The following POU6F2 variants were observed in gnomAD, a reference collection of about 807,000 sequenced individuals.
POU6F2 encodes POU domain, class 6, transcription factor 2.
In POU6F2, 31 loss-of-function variants were observed where a neutral mutation model predicts 71.3. The observed-to-expected ratio is 0.43, with a 90% confidence interval of 0.33 to 0.59. The LOEUF (loss-of-function observed/expected upper bound fraction) is 0.59, where lower values mean the gene tolerates loss of function less well. POU6F2 is among the 20% of genes least tolerant of loss of function. POU6F2 has a pLI of 0.04. For missense variants in POU6F2, 783 were observed against 856.8 expected, an observed-to-expected ratio of 0.91 and a Z score of 1.07; for synonymous variants, 347 against 355.7, an observed-to-expected ratio of 0.98 and a Z score of 0.27.
intron 1 of POU6F2, among the ~76,000 whole-genome samples, chr7:39,078,964 C>T (rs974011185): frequency 1.3e-5 from 2 of 152,086 alleles, no homozygotes; most frequent in African/African-American, 4.8e-5. Flanking sequence ...CCCACAGCAT[C>T]CCCTACAGCA....
intron 6 of POU6F2, among the ~76,000 whole-genome samples, chr7:39,410,169 G>A (rs2237402): frequency 0.35 from 52,804 of 151,846 alleles, 9,500 homozygotes; most frequent in East Asian, 0.6. Context: ...ACAACACGGC[G>A]AATCTCTGCC....
intron 4 of POU6F2, among the ~76,000 whole-genome samples, chr7:39,250,744 T>TA (rs1342838930): frequency 6.6e-6 from 1 of 152,212 alleles, no homozygotes; most frequent in African/African-American, 2.4e-5. Context: ...TTCATGTAAT[T>TA]AATTCATATT....
At chr7:39,201,805 G>A (rs960267554) in intron 2 of POU6F2, among the ~76,000 whole-genome samples, 97 of 152,264 alleles carry the variant, frequency 6.4e-4, no homozygotes, top group African/African-American at 2.2e-3. Flanking sequence ...CTTAGCCAAC[G>A]CCATTTATTC....
intron 8 of POU6F2, among the ~76,000 whole-genome samples, chr7:39,458,018 G>GC (rs988027813): frequency 3.6e-4 from 19 of 52,126 alleles, no homozygotes; most frequent in South Asian, 3.6e-3. Context: ...TCCCCACCCC[G>GC]CCCCCCCATA....
rs1342628726 is a variant in POU6F2, at chr7:39,460,829, C to A, written c.1658+114C>A. ...AAGCTGGAGGGGCAGAGAGTGGGAA[C>A]AAAGTTTGGGGGCAGCTATATGTTG... On this transcript the variant is annotated intron_variant, in intron 9 of 9. Coordinates refer to ENST00000518318, the MANE Select transcript of POU6F2 (RefSeq NM_001370959.1). The surrounding 1 kb of genome is among the most constrained non-coding windows in gnomAD (Gnocchi z 4.4). The A allele has an allele frequency of 4.8e-6, 6 of 1,251,392 alleles. No homozygotes were observed. The East Asian group carries it at 7.8e-5, about 16-fold the overall frequency. 77.5% of individuals were successfully genotyped at this position (1,251,392 alleles called of 1,614,324 possible). A position where few individuals can be genotyped will look rare whatever the true frequency, so the allele number is the denominator to read the frequency against.
At chr7:39,353,516 A>G (rs1786186548) in intron 5 of POU6F2, among the ~76,000 whole-genome samples, 1 of 152,244 alleles carries the variant, frequency 6.6e-6, no homozygotes, top group African/African-American at 2.4e-5. Flanking sequence ...ATGCTTTAAA[A>G]TTTATTTAAA....
chr7:39,329,391 A>T (rs1178323449), intron 4 of POU6F2, among the ~76,000 whole-genome samples: 1 of 151,894 alleles, frequency 6.6e-6, no homozygotes, highest in Admixed American at 6.6e-5. Context: ...TGCCTCTCTG[A>T]GGGCAATTTC....
intron 4 of POU6F2, among the ~76,000 whole-genome samples, chr7:39,243,424 C>T (rs922670164): frequency 6.6e-6 from 1 of 152,068 alleles, no homozygotes; most frequent in Non-Finnish European, 1.5e-5. Flanking sequence ...AGGCTCTTTC[C>T]ACTCCACTCA....
At chr7:39,423,312 T>G (rs970683631) in intron 6 of POU6F2, among the ~76,000 whole-genome samples, 23 of 152,158 alleles carry the variant, frequency 1.5e-4, no homozygotes, top group African/African-American at 5.3e-4. Context: ...TGCTGGTGCC[T>G]TAAGAGAGGA....
At chr7:39,032,740 G>A (rs1448306668) in intron 1 of POU6F2, among the ~76,000 whole-genome samples, 3 of 152,104 alleles carry the variant, frequency 2.0e-5, no homozygotes, top group African/African-American at 4.8e-5. Flanking sequence ...GAAATACCTC[G>A]CTACCACACA....
Position 39,451,619 on chromosome 7 carries a change from T to G in POU6F2, c.1407T>G (p.Ser469=), listed in dbSNP as rs375493176. The part of the protein sequence containing the change: ...LHLAHSQASM[S]QSPVRQASSS... ...TGGCTCACAGCCAAGCATCCATGTC[T>G]CAAAGTCCCGTCCGGCAGGCTTCCT... Residue 469 remains serine (S), a synonymous_variant, in exon 8 of 10, where the codon TCT becomes TCG. Transcript: ENST00000518318. 1 of 1,613,598 alleles carries G rather than the reference T, an allele frequency of 6.2e-7. No individual in the cohort carries two copies. Among genetic ancestry groups the G allele is most frequent in the African/African-American group, 1.3e-5 (1 of 74,904 alleles).
In POU6F2 at chr7:39,460,625, G is replaced by A. The variant is rs750472166; in HGVS notation, c.1568G>A (p.Arg523Gln). 18 of 1,610,584 alleles carry A rather than the reference G, an allele frequency of 1.1e-5. No individual in the cohort carries two copies. The highest frequency in any genetic ancestry group is 1.3e-5 in the Non-Finnish European group (15 of 1,178,472). Residue 523 changes from arginine to glutamine, a missense_variant, in exon 9 of 10, where the codon CGG (arginine) becomes CAG (glutamine). Coordinates refer to ENST00000518318, the MANE Select transcript of POU6F2 (RefSeq NM_001370959.1). This position sits in a 1 kb window ranked among gnomAD's most constrained non-coding sequence, Gnocchi z 4.4. ...IREFAKAFKI[R>Q]RLSLGLTQTQ... ...GAATTTGCCAAAGCTTTTAAAATCC[G>A]GCGCCTGTCCCTTGGCCTGACCCAG...
At chr7:39,457,619 C>T (rs925215739) in intron 8 of POU6F2, among the ~76,000 whole-genome samples, 4 of 152,128 alleles carry the variant, frequency 2.6e-5, no homozygotes, top group African/African-American at 7.2e-5. Flanking sequence ...CAAGCCAGGG[C>T]CACAAAGAAA....
At chr7:38,986,449 A>C (rs1409096589) in intron 1 of POU6F2, among the ~76,000 whole-genome samples, 1 of 152,134 alleles carries the variant, frequency 6.6e-6, no homozygotes. Flanking sequence ...TTTGGTTTGC[A>C]ATGTACTGCC....
At chr7:39,183,850 A>G (rs1406949780) in intron 2 of POU6F2, among the ~76,000 whole-genome samples, 1 of 152,214 alleles carries the variant, frequency 6.6e-6, no homozygotes, top group Admixed American at 6.5e-5. Context: ...ACAATAACAA[A>G]TATAATTCCT....
chr7:39,179,565 G>A (rs1430419906), intron 2 of POU6F2, among the ~76,000 whole-genome samples: 1 of 152,076 alleles, frequency 6.6e-6, no homozygotes, highest in Non-Finnish European at 1.5e-5. Flanking sequence ...ACAGTCTACA[G>A]AACTGATCTT....
intron 9 of POU6F2, among the ~76,000 whole-genome samples, chr7:39,462,586 T>C (rs1788975786): frequency 6.6e-6 from 1 of 152,198 alleles, no homozygotes; most frequent in African/African-American, 2.4e-5. Flanking sequence ...TGTGACGCTA[T>C]CAAATATTTA....
At chr7:39,352,089 T>C (rs1562799983) in intron 5 of POU6F2, among the ~76,000 whole-genome samples, 1 of 152,250 alleles carries the variant, frequency 6.6e-6, no homozygotes, top group Non-Finnish European at 1.5e-5. Context: ...TGCTCAGCAA[T>C]CAGTAACTCT....
chr7:39,365,778 G>A (rs142139925), intron 5 of POU6F2, among the ~76,000 whole-genome samples: 65 of 152,334 alleles, frequency 4.3e-4, no homozygotes, highest in African/African-American at 1.5e-3. Context: ...GAGAAAGGAG[G>A]TGCTAGAGGT....
Sources: allele counts gnomAD v4.1 joint callset (sites outside exome capture counted in the v4.1 genomes callset), GRCh38; gene constraint gnomAD v4.1.1; non-coding constraint Gnocchi (gnomAD v3.1); transcripts MANE v1.5; gene names NCBI Gene and HGNC (gene_info 2026-07-23, HGNC 2026-07-21).